SCLT1: variants seen among roughly 807,000 people sequenced by gnomAD.
SCLT1 encodes the protein sodium channel and clathrin linker 1, also known as sodium channel-associated protein 1.
In SCLT1, 78 loss-of-function variants were observed where a neutral mutation model predicts 112.8. The ratio of observed to expected loss-of-function variants is 0.69; its 90% CI spans 0.58 to 0.83. The LOEUF is 0.83. Ranked by LOEUF, SCLT1 falls within the 40% of genes least tolerant of loss-of-function variation. The pLI is 0.00. For missense variants in SCLT1, 747 were observed against 770.4 expected, an observed-to-expected ratio of 0.97 and a Z score of 0.36; for synonymous variants, 257 against 254.7, an observed-to-expected ratio of 1.01 and a Z score of -0.09.
chr4:128,991,455 A>G (rs184257800), intron 9 of SCLT1, among the ~76,000 whole-genome samples: 83 of 151,982 alleles, frequency 5.5e-4, no homozygotes, highest in Admixed American at 9.8e-4. Flanking sequence ...ACAGGCAACC[A>G]AAGCAAAAAT....
chr4:128,966,428 C>T (rs542372340), intron 10 of SCLT1, among the ~76,000 whole-genome samples: 25 of 152,190 alleles, frequency 1.6e-4, no homozygotes, highest in Non-Finnish European at 3.5e-4. Flanking sequence ...CTTGCAACAG[C>T]ATATATCCAT....
chr4:128,929,071 A>C (rs1164654432), intron 18 of SCLT1, among the ~76,000 whole-genome samples: 1 of 152,222 alleles, frequency 6.6e-6, no homozygotes, highest in African/African-American at 2.4e-5. Context: ...GAAACAAAAC[A>C]TACAGTTATT....
chr4:129,069,595 C>T lies in SCLT1; in HGVS notation c.102+12711G>A, dbSNP rs539758952. ...TATAGAAGGGCTACTGATTTGTGCA[C>T]ATTAATCTTGTATCTGGAAACTTTG... is the stretch of plus-strand genomic sequence containing the variant. On this transcript the variant is annotated intron_variant, in intron 2 of 20. Transcript: ENST00000281142. Among the ~76,000 whole-genome samples, 9 of 152,270 alleles carry T rather than the reference C, an allele frequency of 5.9e-5. No homozygotes were observed. The South Asian group carries it at 1.9e-3, about 32-fold the overall frequency.
chr4:128,949,066 A>C (rs900735990), intron 14 of SCLT1, among the ~76,000 whole-genome samples: 4 of 152,150 alleles, frequency 2.6e-5, no homozygotes, highest in Non-Finnish European at 5.9e-5. Flanking sequence ...TGCTCAAAAG[A>C]TTTTACTCTG....
chr4:128,930,094 T>G (rs972224309), intron 18 of SCLT1, among the ~76,000 whole-genome samples: 1 of 152,176 alleles, frequency 6.6e-6, no homozygotes, highest in African/African-American at 2.4e-5. Context: ...TTACTGTTAA[T>G]GTGGTCTGGA....
chr4:128,954,040 C>G lies in SCLT1; in HGVS notation c.1147-1200G>C, dbSNP rs552340441. 2.6e-5 allele frequency among the ~76,000 whole-genome samples: 4 copies of G among 152,124 alleles called. No individual in the cohort carries two copies. The South Asian group carries it at 8.3e-4, about 32-fold the overall frequency. On this transcript the variant is annotated intron_variant, in intron 13 of 20. Coordinates refer to ENST00000281142, the MANE Select transcript of SCLT1 (RefSeq NM_144643.4). ...GAGCATTTTGAAGAGTTAGTCACATCTCATCAGGATTTCGCTATGACAATA... is the reference window on the plus strand; with the variant it reads ...GAGCATTTTGAAGAGTTAGTCACATGTCATCAGGATTTCGCTATGACAATA...
intron 17 of SCLT1, among the ~76,000 whole-genome samples, chr4:128,941,549 TAA>T (rs1224678475): frequency 2.0e-5 from 3 of 152,058 alleles, no homozygotes; most frequent in Non-Finnish European, 4.4e-5. Flanking sequence ...TATTAATTGG[TAA>T]AAGTTTTTAT....
At chr4:128,922,822 C>T (rs569552734) in intron 18 of SCLT1, among the ~76,000 whole-genome samples, 14 of 152,160 alleles carry the variant, frequency 9.2e-5, no homozygotes, top group Admixed American at 3.9e-4. Context: ...CAACCAACCC[C>T]TTGAGAATAT....
chr4:129,009,011 T>A (rs1156864527), intron 5 of SCLT1, among the ~76,000 whole-genome samples: 1 of 152,248 alleles, frequency 6.6e-6, no homozygotes, highest in Non-Finnish European at 1.5e-5. Context: ...TTTTTATGGA[T>A]GCATAGTATT....
At chr4:128,946,345 T>C (rs1445927716) in intron 15 of SCLT1, among the ~76,000 whole-genome samples, 193 bp from the exon 16 acceptor site, 2 of 152,122 alleles carry the variant, frequency 1.3e-5, no homozygotes, top group African/African-American at 4.8e-5. Flanking sequence ...TAAAAACTAA[T>C]ATATAAAATA....
At chr4:128,883,313 A>G (rs988208624), downstream of SCLT1, among the ~76,000 whole-genome samples, 4 of 152,078 alleles carry the variant, frequency 2.6e-5, no homozygotes, top group African/African-American at 9.7e-5. Flanking sequence ...TGCTATTCAC[A>G]TCATGGAAGG....
chr4:128,970,591 G>A (rs1740607798), intron 9 of SCLT1, 123 bp from the exon 10 acceptor site: 2 of 626,340 alleles, frequency 3.2e-6, no homozygotes, highest in Non-Finnish European at 5.6e-6. Flanking sequence ...TGGATCCATG[G>A]AATAAATTTT....
intron 9 of SCLT1, among the ~76,000 whole-genome samples, chr4:128,986,710 T>C (rs1197126132): frequency 6.6e-6 from 1 of 152,228 alleles, no homozygotes; most frequent in Non-Finnish European, 1.5e-5. Context: ...CACTCTGTGC[T>C]AGAAGAGAAT....
chr4:128,999,391 T>C (rs1016855806), intron 7 of SCLT1, among the ~76,000 whole-genome samples: 5 of 152,098 alleles, frequency 3.3e-5, no homozygotes, highest in Non-Finnish European at 7.4e-5. Flanking sequence ...ACTTTGAAGG[T>C]TTATTTATAC....
chr4:128,903,355 T>C (rs1318938075), intron 18 of SCLT1, among the ~76,000 whole-genome samples: 1 of 152,158 alleles, frequency 6.6e-6, no homozygotes, highest in African/African-American at 2.4e-5. Context: ...CACTATTATA[T>C]ATGTGGTCCA....
intron 19 of SCLT1, among the ~76,000 whole-genome samples, chr4:128,890,216 T>C (rs1173925924): frequency 2.6e-5 from 4 of 152,222 alleles, no homozygotes; most frequent in South Asian, 2.1e-4. Flanking sequence ...ACAGTTCAGA[T>C]TGGATAAATC....
intron 11 of SCLT1, among the ~76,000 whole-genome samples, chr4:128,964,601 T>C (rs1294269644): frequency 3.9e-5 from 6 of 152,200 alleles, no homozygotes; most frequent in African/African-American, 1.4e-4. Context: ...GGATTTATGG[T>C]TCATGATTCC....
intron 4 of SCLT1, among the ~76,000 whole-genome samples, chr4:129,040,994 T>TA (rs1288638617): frequency 6.6e-6 from 1 of 152,170 alleles, no homozygotes; most frequent in Admixed American, 6.5e-5. Context: ...AACATCTTAG[T>TA]AAAATGGCTG....
intron 11 of SCLT1, among the ~76,000 whole-genome samples, chr4:128,963,843 T>G (rs1003471581): frequency 2.0e-5 from 3 of 152,216 alleles, no homozygotes; most frequent in Admixed American, 6.5e-5. Context: ...GGGGCAGGCA[T>G]ATATTTATTG....
Sources: allele counts gnomAD v4.1 joint callset (sites outside exome capture counted in the v4.1 genomes callset), GRCh38; gene constraint gnomAD v4.1.1; transcripts MANE v1.5; gene names NCBI Gene and HGNC (gene_info 2026-07-23, HGNC 2026-07-21).